ZRANB1: variants seen among roughly 807,000 people sequenced by gnomAD.
ZRANB1 encodes the protein zinc finger RANBP2-type containing 1.
ZRANB1 carries 16 observed loss-of-function variants against 80.5 expected under a neutral mutation model. That is an observed-to-expected ratio of 0.20 (90% CI 0.13 to 0.30). ZRANB1 has a LOEUF of 0.30. Among genes scored for constraint, ZRANB1 ranks in the 10% least tolerant of loss-of-function variants. The probability of loss-of-function intolerance (pLI) is 1.00; values close to 1 mark genes in which losing one functional copy is unlikely to be tolerated. For missense variants in ZRANB1, 576 were observed against 862.6 expected (o/e 0.67, Z 4.16); for synonymous variants, 291 against 293.1 (o/e 0.99, Z 0.07).
At position 124,973,707 on chromosome 10, in the gene ZRANB1, G is replaced by T. The variant is rs757512532; in HGVS notation, c.1219G>T (p.Val407Phe). Residue 407 changes from valine to phenylalanine, a missense_variant, in exon 4 of 9, where the codon GTT becomes TTT. Physicochemically the swap from Val to Phe is conservative, Grantham distance 50. Transcript: ENST00000359653. ...ATTTGATGAGGTGCTTGATAGAGAC[G>T]TTCAAAAAGGTAAGCATGGAATTAA... Reference protein sequence around the residue: ...KLFDEVLDRDVQKELEEESPI... With the variant: ...KLFDEVLDRDFQKELEEESPI... 6.2e-7 allele frequency: 1 copy of T among 1,611,178 alleles called. No homozygotes were observed. Among genetic ancestry groups the T allele is most frequent in the East Asian group, 2.2e-5 (1 of 44,760 alleles).
At position 124,964,323 on chromosome 10, in the gene ZRANB1, AC is replaced by A. The variant is rs1041269829; in HGVS notation, c.815-2265del. 5.9e-5 allele frequency among the ~76,000 whole-genome samples: 9 copies of A among 152,130 alleles called. No individual in the cohort carries two copies. The East Asian group carries it at 1.7e-3, about 29-fold the overall frequency. The stretch of plus-strand genomic sequence containing the variant: ...TGTTGTGCTATGTAGTCTGCACCCC[AC>A]CCCCCAGTGCTCATTAACTTCTAAT... On this transcript the variant is annotated intron_variant, in intron 1 of 8. Coordinates refer to ENST00000359653, the MANE Select transcript of ZRANB1 (RefSeq NM_017580.3).
intron 8 of ZRANB1, 46 bp from the exon 9 acceptor site, chr10:124,984,728 T>G: frequency 1.9e-6 from 3 of 1,577,116 alleles, no homozygotes; most frequent in Non-Finnish European, 2.6e-6. Flanking sequence ...ACCAAGTCTC[T>G]GATCTGTTGT....
chr10:124,932,792 AC>A, the ZRANB1 span, among the ~76,000 whole-genome samples: 1 of 151,986 alleles, frequency 6.6e-6, no homozygotes, highest in African/African-American at 2.4e-5. Context: ...TGAACTCCTG[AC>A]CTCAGGTGAT....
At chr10:124,964,005 G>C (rs1177533752) in intron 1 of ZRANB1, among the ~76,000 whole-genome samples, 1 of 152,236 alleles carries the variant, frequency 6.6e-6, no homozygotes, top group Non-Finnish European at 1.5e-5. Context: ...AGAATAGTCT[G>C]TTCTCCTCAT....
intron 1 of ZRANB1, among the ~76,000 whole-genome samples, chr10:124,952,959 C>G: frequency 6.6e-6 from 1 of 151,182 alleles, no homozygotes; most frequent in Non-Finnish European, 1.5e-5. Flanking sequence ...GAGTCTTGCT[C>G]TGTCACCCAG....
chr10:124,983,298 T>C lies in ZRANB1; in HGVS notation c.1672T>C (p.Phe558Leu). 6.2e-7 allele frequency: 1 copy of C among 1,613,480 alleles called. No homozygotes were observed. Among genetic ancestry groups the C allele is most frequent in the East Asian group, 2.2e-5 (1 of 44,874 alleles). The change falls in exon 7 of 9, where the codon TTT becomes CTT. Residue 558 changes from phenylalanine to leucine, a missense_variant. Transcript: ENST00000359653. The surrounding 1 kb of genome is among the most constrained non-coding windows in gnomAD (Gnocchi z 6.2). ...GGGAGAAACTTTAGGATATACTCGG[T>C]TTCAAGGTAAGCCATTATTCAGGAA... ...FRGETLGYTR[F>L]QGVYLPLLWE...
At chr10:124,944,981 T>C (rs1180703218) in intron 1 of ZRANB1, among the ~76,000 whole-genome samples, 1 of 152,228 alleles carries the variant, frequency 6.6e-6, no homozygotes, top group African/African-American at 2.4e-5. Context: ...TTTATTCCTC[T>C]GATTTTTCTG....
At chr10:124,944,331 CT>C (rs1037550148) in intron 1 of ZRANB1, among the ~76,000 whole-genome samples, 2 of 152,126 alleles carry the variant, frequency 1.3e-5, no homozygotes, top group African/African-American at 4.8e-5. Flanking sequence ...TTAACTATAC[CT>C]TAGCTGTATG....
intron 5 of ZRANB1, among the ~76,000 whole-genome samples, chr10:124,977,094 A>G (rs576554581): frequency 1.8e-4 from 28 of 151,812 alleles, no homozygotes; most frequent in Admixed American, 1.6e-3. Context: ...TCAGCTTCCT[A>G]TGAGTGGCTG....
chr10:124,944,868 C>CAG (rs144370286), intron 1 of ZRANB1, among the ~76,000 whole-genome samples: 12,370 of 152,142 alleles, frequency 0.081, 687 homozygotes, highest in Admixed American at 0.16. Context: ...TTCTGACCTC[C>CAG]AGACTTAGTA....
At chr10:124,965,967 A>G (rs4962713) in intron 1 of ZRANB1, among the ~76,000 whole-genome samples, 1 of 151,976 alleles carries the variant, frequency 6.6e-6, no homozygotes, top group African/African-American at 2.4e-5. Context: ...CGTATTTTAT[A>G]TGAAATCATC....
chr10:124,969,088 G>A (rs746498891), intron 2 of ZRANB1, among the ~76,000 whole-genome samples: 1 of 152,148 alleles, frequency 6.6e-6, no homozygotes. Context: ...CTTCAATACT[G>A]TGCCATGCAG....
the ZRANB1 span, among the ~76,000 whole-genome samples, chr10:124,923,725 T>A: frequency 6.6e-6 from 1 of 150,878 alleles, no homozygotes; most frequent in Non-Finnish European, 1.5e-5. Context: ...AGAGAGAGAG[T>A]GAGCAGGGGA....
chr10:124,972,247 A>C, intron 3 of ZRANB1, 129 bp downstream of exon 3: 1 of 829,646 alleles, frequency 1.2e-6, no homozygotes, highest in Non-Finnish European at 1.8e-6. Context: ...AAATTACTTG[A>C]CTGTCTTATA....
At chr10:124,925,888 C>T in the ZRANB1 span, among the ~76,000 whole-genome samples, 1 of 152,134 alleles carries the variant, frequency 6.6e-6, no homozygotes, top group Non-Finnish European at 1.5e-5. Context: ...TGTCGTTGTG[C>T]GAACATCATA....
At chr10:124,979,599 A>G (rs1019971660) in intron 5 of ZRANB1, among the ~76,000 whole-genome samples, 1 of 152,208 alleles carries the variant, frequency 6.6e-6, no homozygotes, top group African/African-American at 2.4e-5. Context: ...GTCTAGCCCA[A>G]GGTCACGAAG....
chr10:124,956,041 C>T (rs1951685351), intron 1 of ZRANB1, among the ~76,000 whole-genome samples: 1 of 152,164 alleles, frequency 6.6e-6, no homozygotes, highest in East Asian at 1.9e-4. Flanking sequence ...AGACGTAGTT[C>T]TCGGCTTTCA....
At chr10:124,944,484 T>TCCC (rs56891265) in intron 1 of ZRANB1, among the ~76,000 whole-genome samples, 126 of 60,900 alleles carry the variant, frequency 2.1e-3, no homozygotes, top group South Asian at 4.4e-3. Flanking sequence ...TATATATCAT[T>TCCC]CCCCCCCCCC....
chr10:124,983,515 C>G lies in ZRANB1; in HGVS notation c.1735C>G (p.Leu579Val). 6.2e-7 allele frequency: 1 copy of G among 1,614,054 alleles called. No homozygotes were observed. The highest frequency in any genetic ancestry group is 8.5e-7 in the Non-Finnish European group (1 of 1,179,992). ...QSFCWKSPIA[L>V]GYTRGHFSAL... Reference sequence around the variant, plus strand: ...TTTTTGTTGGAAAAGTCCGATTGCTCTGGGTTATACGAGGGGCCACTTCTC... The same window carrying G: ...TTTTTGTTGGAAAAGTCCGATTGCTGTGGGTTATACGAGGGGCCACTTCTC... Residue 579 changes from leucine (L) to valine (V), a missense_variant, in exon 8 of 9, where the codon CTG becomes GTG. Coordinates refer to ENST00000359653, the MANE Select transcript of ZRANB1 (RefSeq NM_017580.3). The surrounding 1 kb of genome is among the most constrained non-coding windows in gnomAD (Gnocchi z 6.2).
Sources: allele counts gnomAD v4.1 joint callset (sites outside exome capture counted in the v4.1 genomes callset), GRCh38; gene constraint gnomAD v4.1.1; non-coding constraint Gnocchi (gnomAD v3.1); transcripts MANE v1.5; gene names NCBI Gene and HGNC (gene_info 2026-07-23, HGNC 2026-07-21).